Variants in CATSPERT observed in about 807,000 individuals in gnomAD.
CATSPERT encodes the protein cation channel sperm-associated targeting subunit tau.
the CATSPERT span, among the ~76,000 whole-genome samples, chr2:201,544,988 C>A: frequency 1.4e-5 from 2 of 143,284 alleles, no homozygotes; most frequent in African/African-American, 2.6e-5. Context: ...CAGAACTAGA[C>A]CCTGTCTCAG....
At chr2:201,497,568 A>G in the CATSPERT span, among the ~76,000 whole-genome samples, 2 of 152,238 alleles carry the variant, frequency 1.3e-5, no homozygotes, top group African/African-American at 2.4e-5. Flanking sequence ...GCATGGACAA[A>G]TGTGTGAATG....
chr2:201,494,636 C>G, the CATSPERT span: 7 of 1,537,116 alleles, frequency 4.6e-6, no homozygotes, highest in Middle Eastern at 1.7e-4. Context: ...TCTTCATGCT[C>G]TATGACCTCT....
chr2:201,531,552 G>A, the CATSPERT span, among the ~76,000 whole-genome samples: 1 of 152,132 alleles, frequency 6.6e-6, no homozygotes, highest in Admixed American at 6.6e-5. Flanking sequence ...GGATGGAGGA[G>A]GGTGGATGGG....
chr2:201,514,414 T>C, the CATSPERT span, among the ~76,000 whole-genome samples: 10 of 152,206 alleles, frequency 6.6e-5, no homozygotes, highest in African/African-American at 2.4e-4. Flanking sequence ...TATTTTATTA[T>C]ACTAATATAC....
chr2:201,604,974 A>C, the CATSPERT span, among the ~76,000 whole-genome samples: 3 of 152,110 alleles, frequency 2.0e-5, no homozygotes, highest in African/African-American at 7.2e-5. Flanking sequence ...GATATCTTGA[A>C]AAGCTTATAA....
the CATSPERT span, among the ~76,000 whole-genome samples, chr2:201,594,994 C>T: frequency 2.0e-5 from 3 of 152,190 alleles, no homozygotes; most frequent in African/African-American, 4.8e-5. Context: ...AGTCATTCTC[C>T]GTCCAGCTTT....
the CATSPERT span, among the ~76,000 whole-genome samples, chr2:201,531,848 A>G: frequency 6.6e-6 from 1 of 152,236 alleles, no homozygotes; most frequent in Non-Finnish European, 1.5e-5. Context: ...GGCATTGTAG[A>G]TGATGGTGAG....
chr2:201,573,801 C>T, the CATSPERT span, among the ~76,000 whole-genome samples: 3 of 152,018 alleles, frequency 2.0e-5, no homozygotes, highest in African/African-American at 4.8e-5. Context: ...GGATTACAGG[C>T]GCCTGCCACC....
chr2:201,559,748 C>A, the CATSPERT span, among the ~76,000 whole-genome samples: 1 of 152,210 alleles, frequency 6.6e-6, no homozygotes, highest in Admixed American at 6.5e-5. Context: ...CCCCGCCAAT[C>A]TGATATCCCA....
the CATSPERT span, among the ~76,000 whole-genome samples, chr2:201,618,082 G>A: frequency 6.6e-6 from 1 of 152,226 alleles, no homozygotes; most frequent in African/African-American, 2.4e-5. Flanking sequence ...AGGATGTGGA[G>A]AAATAGGAAC....
chr2:201,580,152 A>C, the CATSPERT span, among the ~76,000 whole-genome samples: 1 of 152,202 alleles, frequency 6.6e-6, no homozygotes, highest in South Asian at 2.1e-4. Context: ...AGCCAGGTTA[A>C]ACATTTTTGA....
chr2:201,491,108 C>T, the CATSPERT span: 1 of 1,383,170 alleles, frequency 7.2e-7, no homozygotes, highest in East Asian at 2.5e-5. Context: ...TATATACACC[C>T]TAAATTATTG....
chr2:201,606,898 C>CA, the CATSPERT span, among the ~76,000 whole-genome samples: 1,444 of 58,372 alleles, frequency 0.025, 3 homozygotes, highest in African/African-American at 0.03. Flanking sequence ...GACTCTGTCT[C>CA]AAAAAAAAAA....
chr2:201,579,404 C>A, the CATSPERT span, among the ~76,000 whole-genome samples: 1 of 151,932 alleles, frequency 6.6e-6, no homozygotes, highest in African/African-American at 2.4e-5. Context: ...CCATGCCTGG[C>A]TAATTTTTTG....
chr2:201,494,672 A>T, the CATSPERT span: 3 of 1,536,088 alleles, frequency 2.0e-6, no homozygotes, highest in Non-Finnish European at 2.6e-6. Flanking sequence ...CTATATTTGT[A>T]TATATCTTGA....
chr2:201,503,181 T>C, the CATSPERT span, among the ~76,000 whole-genome samples: 1 of 152,202 alleles, frequency 6.6e-6, no homozygotes, highest in African/African-American at 2.4e-5. Context: ...GATCTTTTTC[T>C]ATTATTTGAT....
At chr2:201,514,298 G>A in the CATSPERT span, among the ~76,000 whole-genome samples, 5 of 152,008 alleles carry the variant, frequency 3.3e-5, no homozygotes, top group African/African-American at 4.8e-5. Flanking sequence ...ATAAAATTTA[G>A]CAAATGAACC....
the CATSPERT span, chr2:201,545,576 GA>G: frequency 7.3e-7 from 1 of 1,363,952 alleles, no homozygotes; most frequent in South Asian, 1.4e-5. Context: ...TCCTCTTCAG[GA>G]TGATTACTTT....
chr2:201,590,344 C>T, the CATSPERT span, among the ~76,000 whole-genome samples: 1,007 of 152,040 alleles, frequency 6.6e-3, 19 homozygotes, highest in African/African-American at 0.023. Flanking sequence ...CATAGTATTC[C>T]ATGGTGTATA....
Sources: gnomAD v4.1 joint callset for allele counts (sites outside exome capture counted in the v4.1 genomes callset) on GRCh38, gnomAD v4.1.1 for gene constraint, MANE v1.5 for transcripts, NCBI Gene and HGNC (gene_info 2026-07-23, HGNC 2026-07-21) for gene names.